Variants in METTL15 observed in about 807,000 individuals in gnomAD.
The protein encoded by METTL15 is methyltransferase 15, mitochondrial 12S rRNA N4-cytidine.
A neutral mutation model predicts 38.3 loss-of-function variants in METTL15; 34 were observed. That is an observed-to-expected ratio of 0.89 (90% CI 0.68 to 1.18). The LOEUF (loss-of-function observed/expected upper bound fraction) is 1.18, where lower values mean the gene tolerates loss of function less well. Among genes scored for constraint, METTL15 ranks in the 50% most tolerant of loss-of-function variants. METTL15 has a pLI of 0.00. For synonymous variants in METTL15, 162 were observed against 170.9 expected (o/e 0.95, Z 0.41); for missense variants, 438 against 498.4 (o/e 0.88, Z 1.15).
At chr11:28,462,640 G>C (rs929961909) in intron 6 of METTL15, among the ~76,000 whole-genome samples, 6 of 152,142 alleles carry the variant, frequency 3.9e-5, no homozygotes, top group Admixed American at 3.9e-4. Flanking sequence ...GCAGCCTCAT[G>C]GGATGAATTA....
At chr11:28,234,830 T>G (rs1470731291) in intron 4 of METTL15, among the ~76,000 whole-genome samples, 13 of 136,802 alleles carry the variant, frequency 9.5e-5, no homozygotes, top group East Asian at 9.0e-4. Context: ...TTTGTCAATT[T>G]TGGCTTTTGT....
intron 4 of METTL15, among the ~76,000 whole-genome samples, chr11:28,359,183 T>G (rs1850114889): frequency 6.6e-6 from 1 of 152,144 alleles, no homozygotes; most frequent in South Asian, 2.1e-4. Flanking sequence ...GAACATGTGG[T>G]GTTTGGTTTT....
intron 3 of METTL15, among the ~76,000 whole-genome samples, chr11:28,164,593 TG>T (rs1202841136): frequency 6.6e-6 from 1 of 152,088 alleles, no homozygotes; most frequent in Non-Finnish European, 1.5e-5. Context: ...TACAGTGTAA[TG>T]TTTTGCTGCA....
intron 3 of METTL15, among the ~76,000 whole-genome samples, chr11:28,181,305 C>T (rs774153863): frequency 3.9e-5 from 5 of 127,800 alleles, no homozygotes; most frequent in Admixed American, 3.2e-4. Flanking sequence ...ACATGCAGAA[C>T]GTGCAGGTTT....
chr11:28,500,120 A>G (rs1851570313), intron 6 of METTL15, among the ~76,000 whole-genome samples: 3 of 152,020 alleles, frequency 2.0e-5, no homozygotes, highest in Non-Finnish European at 4.4e-5. Context: ...CCCATGACAT[A>G]GAAACTCCTG....
At chr11:28,395,466 A>G (rs1430449827) in intron 5 of METTL15, among the ~76,000 whole-genome samples, 1 of 152,136 alleles carries the variant, frequency 6.6e-6, no homozygotes, top group African/African-American at 2.4e-5. Flanking sequence ...TTTCAGGATT[A>G]CTGTAAACAC....
intron 5 of METTL15, among the ~76,000 whole-genome samples, chr11:28,362,519 A>G (rs1191901014): frequency 1.3e-5 from 2 of 152,246 alleles, no homozygotes; most frequent in South Asian, 2.1e-4. Flanking sequence ...CCCAGTGTCT[A>G]TTGTTCCCAT....
At chr11:28,211,268 G>A (rs1852630493) in intron 4 of METTL15, 70 bp downstream of exon 4, 5 of 1,443,778 alleles carry the variant, frequency 3.5e-6, no homozygotes, top group Non-Finnish European at 4.7e-6. Context: ...TACCACCTTG[G>A]AATTTGTTCT....
At chr11:28,513,753 G>A (rs1047555853) in intron 6 of METTL15, among the ~76,000 whole-genome samples, 8 of 152,224 alleles carry the variant, frequency 5.3e-5, no homozygotes, top group Non-Finnish European at 1.0e-4. Context: ...GGTGGGTCTG[G>A]CTAGTTATCT....
At chr11:28,276,029 A>G (rs1855829546) in intron 4 of METTL15, among the ~76,000 whole-genome samples, 3 of 152,058 alleles carry the variant, frequency 2.0e-5, no homozygotes. Flanking sequence ...TTCTCTAGGA[A>G]CTGTTACAAG....
At chr11:28,473,114 A>G (rs1438707883) in intron 6 of METTL15, among the ~76,000 whole-genome samples, 1 of 152,168 alleles carries the variant, frequency 6.6e-6, no homozygotes, top group African/African-American at 2.4e-5. Flanking sequence ...GGTGTGATTG[A>G]CATTCAACAG....
chr11:28,112,472 G>A (rs1371497281), intron 2 of METTL15, among the ~76,000 whole-genome samples: 3 of 152,010 alleles, frequency 2.0e-5, no homozygotes, highest in Non-Finnish European at 2.9e-5. Flanking sequence ...AAACCAGCTG[G>A]GTATAAAATG....
intron 3 of METTL15, among the ~76,000 whole-genome samples, chr11:28,137,620 A>T (rs959185360): frequency 6.6e-5 from 10 of 152,232 alleles, no homozygotes; most frequent in Non-Finnish European, 1.0e-4. Context: ...CAAAAGCCAA[A>T]GAAGCAGTTT....
At chr11:28,497,935 T>C (rs1851549460) in intron 6 of METTL15, among the ~76,000 whole-genome samples, 1 of 151,880 alleles carries the variant, frequency 6.6e-6, no homozygotes, top group African/African-American at 2.4e-5. Flanking sequence ...ATGACTTTAA[T>C]TCCAGCTACT....
chr11:28,396,027 C>T (rs2133398731), intron 5 of METTL15, among the ~76,000 whole-genome samples: 1 of 152,198 alleles, frequency 6.6e-6, no homozygotes, highest in East Asian at 1.9e-4. Flanking sequence ...GCAGAAAAGG[C>T]CTTTGACAAA....
At chr11:28,198,103 T>C (rs1171967737) in intron 3 of METTL15, among the ~76,000 whole-genome samples, 3 of 152,074 alleles carry the variant, frequency 2.0e-5, no homozygotes, top group African/African-American at 7.2e-5. Context: ...TTGTCCAGTA[T>C]GGGTTATGTG....
At chr11:28,328,736 A>G (rs1590330718) in intron 6 of METTL15, among the ~76,000 whole-genome samples, 1 of 152,022 alleles carries the variant, frequency 6.6e-6, no homozygotes, top group East Asian at 1.9e-4. Context: ...GAAATTAGTA[A>G]TTTTTGCCTA....
chr11:28,281,632 A>G (rs898254387), intron 4 of METTL15, among the ~76,000 whole-genome samples: 2 of 152,142 alleles, frequency 1.3e-5, no homozygotes, highest in Admixed American at 1.3e-4. Flanking sequence ...ATGTTTCCAA[A>G]TGTATTGATT....
intron 6 of METTL15, among the ~76,000 whole-genome samples, chr11:28,467,536 T>A (rs28709424): frequency 0.02 from 3,041 of 152,240 alleles, 65 homozygotes; most frequent in African/African-American, 0.058. Context: ...CCCCATTGTC[T>A]GGAAGTCCTC....
Sources: gnomAD v4.1 joint callset for allele counts (sites outside exome capture counted in the v4.1 genomes callset) on GRCh38, gnomAD v4.1.1 for gene constraint, MANE v1.5 for transcripts, NCBI Gene and HGNC (gene_info 2026-07-23, HGNC 2026-07-21) for gene names.